Variants in FSTL4 observed in about 807,000 individuals in gnomAD.
The protein encoded by FSTL4 is follistatin like 4, also known as follistatin-related protein 4.
FSTL4 carries 28 observed loss-of-function variants against 78.2 expected under a neutral mutation model. That is an observed-to-expected ratio of 0.36 (90% confidence interval 0.27 to 0.49). The LOEUF (loss-of-function observed/expected upper bound fraction) is 0.49. Ranked by LOEUF, FSTL4 falls within the 20% of genes least tolerant of loss-of-function variation. The probability of loss-of-function intolerance (pLI) is 0.98; values close to 1 mark genes in which losing one functional copy is unlikely to be tolerated. For missense variants in FSTL4, 922 were observed against 1,084.9 expected, an observed-to-expected ratio of 0.85 and a Z score of 2.11; for synonymous variants, 422 against 440.5, an observed-to-expected ratio of 0.96 and a Z score of 0.53.
chr5:133,436,561 A>G (rs1185465599), intron 3 of FSTL4, among the ~76,000 whole-genome samples: 1 of 152,116 alleles, frequency 6.6e-6, no homozygotes, highest in African/African-American at 2.4e-5. Context: ...TTTAAGCAGA[A>G]GTTTTACAAG....
chr5:133,220,061 C>T (rs1353988262), intron 12 of FSTL4, among the ~76,000 whole-genome samples: 1 of 152,262 alleles, frequency 6.6e-6, no homozygotes, highest in Non-Finnish European at 1.5e-5. Context: ...CTGGGCCAAG[C>T]CCACTTCCTC....
intron 6 of FSTL4, among the ~76,000 whole-genome samples, chr5:133,292,828 T>G (rs1753298157): frequency 6.6e-6 from 1 of 152,202 alleles, no homozygotes; most frequent in Non-Finnish European, 1.5e-5. Flanking sequence ...CATTGTCATC[T>G]TTAATGTTTT....
chr5:133,697,825 C>T, the FSTL4 span, among the ~76,000 whole-genome samples: 49 of 152,150 alleles, frequency 3.2e-4, no homozygotes, highest in Non-Finnish European at 1.5e-4. Flanking sequence ...TGCCAGGACC[C>T]GTTGCAATTC....
At chr5:133,706,665 C>G in the FSTL4 span, among the ~76,000 whole-genome samples, 1 of 152,160 alleles carries the variant, frequency 6.6e-6, no homozygotes, top group East Asian at 1.9e-4. Flanking sequence ...TACAGACTTG[C>G]ATATTCATAA....
chr5:133,201,756 G>T (rs183954804), intron 15 of FSTL4, among the ~76,000 whole-genome samples, 177 bp downstream of exon 15: 1 of 152,206 alleles, frequency 6.6e-6, no homozygotes, highest in South Asian at 2.1e-4. Flanking sequence ...AAGCAATGAG[G>T]ACTAGGCTCT....
intron 3 of FSTL4, among the ~76,000 whole-genome samples, chr5:133,481,414 C>T (rs1350877833): frequency 6.6e-6 from 1 of 151,812 alleles, no homozygotes; most frequent in Non-Finnish European, 1.5e-5. Flanking sequence ...TGGTGGCACA[C>T]ACCTATAGTT....
the FSTL4 span, among the ~76,000 whole-genome samples, chr5:133,751,076 C>T: frequency 1.3e-5 from 2 of 152,042 alleles, no homozygotes; most frequent in Admixed American, 1.3e-4. Flanking sequence ...GCACCCCACC[C>T]ACCTCTGCAT....
chr5:133,608,871 A>C (rs2112984874), intron 1 of FSTL4, among the ~76,000 whole-genome samples: 1 of 152,342 alleles, frequency 6.6e-6, no homozygotes, highest in South Asian at 2.1e-4. Context: ...AATCTGCCCC[A>C]CCCAGAGAAC....
intron 3 of FSTL4, among the ~76,000 whole-genome samples, chr5:133,483,832 T>C (rs1758078210): frequency 6.6e-6 from 1 of 152,180 alleles, no homozygotes; most frequent in East Asian, 1.9e-4. Flanking sequence ...GGCTGCCTCC[T>C]TGGCTCTCAC....
chr5:133,228,872 T>A (rs1286867436), intron 8 of FSTL4, among the ~76,000 whole-genome samples: 3 of 152,202 alleles, frequency 2.0e-5, no homozygotes, highest in Admixed American at 1.3e-4. Context: ...AGACTCCCAA[T>A]GTCACACTGG....
chr5:133,476,805 C>A (rs1242672026), intron 3 of FSTL4, among the ~76,000 whole-genome samples: 1 of 152,080 alleles, frequency 6.6e-6, no homozygotes, highest in Non-Finnish European at 1.5e-5. Context: ...CCTCACTGAC[C>A]CCGAGTCAGT....
chr5:133,549,127 G>T (rs1309706206), intron 3 of FSTL4, among the ~76,000 whole-genome samples: 1 of 152,080 alleles, frequency 6.6e-6, no homozygotes, highest in African/African-American at 2.4e-5. Context: ...CTGTATCTGA[G>T]GATAGCTGTC....
intron 6 of FSTL4, among the ~76,000 whole-genome samples, chr5:133,287,445 T>C (rs1753160788): frequency 6.6e-6 from 1 of 151,966 alleles, no homozygotes. Context: ...GTGAACACTA[T>C]TGCTGGGAGT....
At chr5:133,674,582 CAT>C in the FSTL4 span, among the ~76,000 whole-genome samples, 13 of 121,826 alleles carry the variant, frequency 1.1e-4, no homozygotes, top group African/African-American at 2.8e-4. Context: ...AGGAGACTTC[CAT>C]ATGTGTGTGT....
chr5:133,357,081 G>A (rs1458959350), intron 4 of FSTL4, among the ~76,000 whole-genome samples: 2 of 152,210 alleles, frequency 1.3e-5, no homozygotes, highest in Admixed American at 6.5e-5. Context: ...GCAAAGCCCT[G>A]GACAGACCCC....
At chr5:133,597,026 C>T (rs1432472510) in intron 2 of FSTL4, among the ~76,000 whole-genome samples, 2 of 152,064 alleles carry the variant, frequency 1.3e-5, no homozygotes, top group Non-Finnish European at 2.9e-5. Context: ...ACTTCCTCCC[C>T]CCAACACCAA....
At chr5:133,352,859 G>A (rs1056238866) in intron 4 of FSTL4, among the ~76,000 whole-genome samples, 46 of 152,090 alleles carry the variant, frequency 3.0e-4, no homozygotes, top group African/African-American at 1.1e-3. Context: ...CACTGTTAAT[G>A]GGCACCTGGG....
At chr5:133,519,856 T>C (rs1212754449) in intron 3 of FSTL4, among the ~76,000 whole-genome samples, 1 of 152,204 alleles carries the variant, frequency 6.6e-6, no homozygotes, top group Non-Finnish European at 1.5e-5. Context: ...TTGGGTCTAA[T>C]GACAATACTT....
In FSTL4 at chr5:133,316,591, G is replaced by A. The variant is rs1173559816; in HGVS notation, c.471C>T (p.Thr157=). ...RLKNVLLALQ[T]RLQPLQEGDS... is the part of the protein sequence containing the mutation. ...CTCCTTCTTGGAGTGGCTGCAGACG[G>A]GTCTGGAGTGCCAGAAGGACATTCT... Residue 157 remains threonine, a synonymous_variant, in exon 5 of 16, where the codon ACC becomes ACT. Transcript: ENST00000265342. 5 of 1,614,134 alleles carry A rather than the reference G, an allele frequency of 3.1e-6. No homozygotes were observed. Among genetic ancestry groups the A allele is most frequent in the Non-Finnish European group, 4.2e-6 (5 of 1,179,958 alleles).
Sources: gnomAD v4.1 joint callset for allele counts (sites outside exome capture counted in the v4.1 genomes callset) on GRCh38, gnomAD v4.1.1 for gene constraint, MANE v1.5 for transcripts, NCBI Gene and HGNC (gene_info 2026-07-23, HGNC 2026-07-21) for gene names.